The following TG variants were observed in gnomAD, a reference collection of about 807,000 sequenced individuals.
The protein encoded by TG is thyroid hormones.
Under a neutral mutation model 324.7 loss-of-function variants are expected in TG, and 270 were observed. The ratio of observed to expected loss-of-function variants is 0.83; its 90% CI spans 0.75 to 0.92. TG has a LOEUF of 0.92. TG is among the 40% of genes least tolerant of loss of function. The probability of loss-of-function intolerance (pLI) is 0.00; values close to 1 mark genes in which losing one functional copy is unlikely to be tolerated. For synonymous variants in TG, 1,401 were observed against 1,327.0 expected, an observed-to-expected ratio of 1.06 and a Z score of -1.21; for missense variants, 3,591 against 3,456.4, an observed-to-expected ratio of 1.04 and a Z score of -0.98.
At chr8:133,098,901 GT>G (rs1216871032) in intron 43 of TG, among the ~76,000 whole-genome samples, 15 of 152,284 alleles carry the variant, frequency 9.9e-5, no homozygotes, top group African/African-American at 3.4e-4. Context: ...TTCAAGCACG[GT>G]CCCAGGAGTG....
chr8:132,982,326 G>C (rs1470028156), intron 34 of TG, among the ~76,000 whole-genome samples: 2 of 152,186 alleles, frequency 1.3e-5, no homozygotes, highest in African/African-American at 2.4e-5. Context: ...GCAGCTCCCT[G>C]TGAGCAAGGA....
At chr8:132,901,664 A>C in intron 16 of TG, 111 bp downstream of exon 16, 1 of 1,196,798 alleles carries the variant, frequency 8.4e-7, no homozygotes, top group Non-Finnish European at 1.2e-6. Context: ...GGGAGGCAGG[A>C]AGTGCAGGAG....
intron 41 of TG, among the ~76,000 whole-genome samples, chr8:133,080,501 C>T (rs1051781611): frequency 1.1e-4 from 16 of 152,108 alleles, no homozygotes; most frequent in African/African-American, 3.6e-4. Flanking sequence ...GCCAATGCTC[C>T]CTTCCCATCC....
At chr8:133,015,629 T>C (rs1260785561) in intron 37 of TG, among the ~76,000 whole-genome samples, 1 of 152,228 alleles carries the variant, frequency 6.6e-6, no homozygotes, top group African/African-American at 2.4e-5. Flanking sequence ...GTTCTGGCTT[T>C]GCTCCCGCCT....
At chr8:133,050,119 C>T (rs766023330) in intron 41 of TG, 38 of 713,252 alleles carry the variant, frequency 5.3e-5, no homozygotes, top group African/African-American at 5.1e-4. Flanking sequence ...TCACTGGCCA[C>T]GTTAACCCAT....
intron 41 of TG, among the ~76,000 whole-genome samples, chr8:133,094,276 T>A (rs1848070845): frequency 6.8e-6 from 1 of 146,770 alleles, no homozygotes; most frequent in African/African-American, 2.5e-5. Flanking sequence ...AGTCTTGCTC[T>A]GTTTCCCAGG....
At chr8:132,886,151 T>C (rs2132155642) in intron 8 of TG, among the ~76,000 whole-genome samples, 1 of 152,164 alleles carries the variant, frequency 6.6e-6, no homozygotes, top group Middle Eastern at 3.4e-3. Context: ...GCAAGTGAGG[T>C]CAGGTTTTCA....
At chr8:133,103,280 T>C (rs1430830918) in intron 43 of TG, among the ~76,000 whole-genome samples, 1 of 152,154 alleles carries the variant, frequency 6.6e-6, no homozygotes, top group African/African-American at 2.4e-5. Flanking sequence ...TCTTGCAGTG[T>C]TATAAGAAGC....
At chr8:132,975,052 C>T (rs968907804) in intron 34 of TG, among the ~76,000 whole-genome samples, 1 of 152,154 alleles carries the variant, frequency 6.6e-6, no homozygotes, top group Non-Finnish European at 1.5e-5. Flanking sequence ...CAGTGGGTTT[C>T]TATTAAAGGA....
At chr8:133,033,365 A>G (rs928162474) in intron 41 of TG, among the ~76,000 whole-genome samples, 1 of 152,154 alleles carries the variant, frequency 6.6e-6, no homozygotes, top group African/African-American at 2.4e-5. Flanking sequence ...CTGGAGGATG[A>G]AGGATGACTT....
At chr8:133,091,375 G>T (rs919361293) in intron 41 of TG, among the ~76,000 whole-genome samples, 3 of 152,214 alleles carry the variant, frequency 2.0e-5, no homozygotes, top group Admixed American at 1.3e-4. Flanking sequence ...TGCCAGGAGG[G>T]AGGCGGAGTC....
rs1828869210 is a variant in TG at position 132,967,921 on chromosome 8, C to G, written c.5814C>G (p.Gly1938=). ...CDDIMESNAQ[G]CRLILPQMPK... is the part of the protein sequence containing the mutation. ...ACATCATGGAGTCCAATGCCCAGGG[C>G]TGCAGACTGATCCTGCCTCAGATGC... is the stretch of plus-strand genomic sequence containing the variant. The change falls in exon 31 of 48, where the codon GGC becomes GGG. Residue 1938 remains glycine (G), a synonymous_variant. Coordinates refer to ENST00000220616, the MANE Select transcript of TG (RefSeq NM_003235.5). 6.2e-7 allele frequency: 1 copy of G among 1,613,964 alleles called. No individual in the cohort carries two copies. The highest frequency in any genetic ancestry group is 8.5e-7 in the Non-Finnish European group (1 of 1,179,930).
At chr8:132,960,891 AC>A in intron 27 of TG, 116 bp from the exon 28 acceptor site, 1 of 1,045,200 alleles carries the variant, frequency 9.6e-7, no homozygotes, top group Non-Finnish European at 1.5e-6. Context: ...TACGTGGGAA[AC>A]AGAGTTTTCA....
intron 41 of TG, among the ~76,000 whole-genome samples, chr8:133,094,428 G>A (rs1299986767): frequency 1.3e-5 from 2 of 151,936 alleles, no homozygotes; most frequent in Non-Finnish European, 2.9e-5. Context: ...TTTTAGTAGA[G>A]ATGGGGTTTC....
intron 25 of TG, among the ~76,000 whole-genome samples, chr8:132,937,828 C>T (rs535488249): frequency 6.6e-6 from 1 of 151,940 alleles, no homozygotes; most frequent in South Asian, 2.1e-4. Context: ...TTTTTGTCTC[C>T]TGAAAGTTTG....
chr8:133,019,323 A>G (rs762048284), intron 38 of TG, among the ~76,000 whole-genome samples: 10 of 152,190 alleles, frequency 6.6e-5, no homozygotes, highest in Non-Finnish European at 1.5e-4. Context: ...CTTCTTCTCT[A>G]TCTCAAGCTG....
At chr8:132,873,914 C>T (rs180212) in intron 5 of TG, among the ~76,000 whole-genome samples, 110,208 of 152,048 alleles carry the variant, frequency 0.72, 41,103 homozygotes, top group African/African-American at 0.92. Flanking sequence ...CTCATGTCTG[C>T]AATCCCAGAA....
rs61743268 is a variant in TG at position 133,017,884 on chromosome 8, G to A, written c.6669G>A (p.Lys2223=). The change falls in exon 38 of 48, where the codon AAG becomes AAA. Residue 2223 remains lysine, a synonymous_variant. Transcript: ENST00000220616. Reference sequence around the variant, plus strand: ...CCATCCAGGTGGGTACCTCATGGAAGCAAGTGGACCAGTTCCTTGGAGTTC... The same window carrying A: ...CCATCCAGGTGGGTACCTCATGGAAACAAGTGGACCAGTTCCTTGGAGTTC... ...SQAIQVGTSW[K]QVDQFLGVPY... The A allele has an allele frequency of 3.1e-3, 4,958 of 1,614,196 alleles. 133 individuals carry two copies. The African/African-American group carries it at 0.057, about 18-fold the overall frequency.
Position 133,070,013 on chromosome 8 carries a change from AAAAAAAAAAAAAAG to A in TG, c.7240-25027_7240-25014del, listed in dbSNP as rs1364065373. On this transcript the variant is annotated intron_variant, in intron 41 of 47. Coordinates refer to ENST00000220616, the MANE Select transcript of TG (RefSeq NM_003235.5). ...AAGGCTCCAGCTCCAAAAAAAAAAA[AAAAAAAAAAAAAAG>A]AAAGAAAGAAAGAAAAGAAAAGAAG... Among the ~76,000 whole-genome samples, 26 of 116,674 alleles carry A rather than the reference AAAAAAAAAAAAAAG, an allele frequency of 2.2e-4. 1 individual carries two copies. The highest frequency in any genetic ancestry group is 4.4e-3 in the Middle Eastern group (1 of 226). 76.5% of individuals were successfully genotyped at this position (116,674 alleles called of 152,430 possible).
Sources: gnomAD v4.1 joint callset for allele counts (sites outside exome capture counted in the v4.1 genomes callset) on GRCh38, gnomAD v4.1.1 for gene constraint, MANE v1.5 for transcripts, NCBI Gene and HGNC (gene_info 2026-07-23, HGNC 2026-07-21) for gene names.